COLEC12: variants seen among roughly 807,000 people sequenced by gnomAD.
The protein encoded by COLEC12 is collectin subfamily member 12.
COLEC12 carries 33 observed loss-of-function variants against 71.1 expected under a neutral mutation model. The observed-to-expected ratio is 0.46, with a 90% CI of 0.35 to 0.62. COLEC12 has a LOEUF of 0.62. COLEC12 is among the 20% of genes least tolerant of loss of function. COLEC12 has a pLI of 0.00. For synonymous variants in COLEC12, 350 were observed against 353.0 expected, an observed-to-expected ratio of 0.99 and a Z score of 0.10; for missense variants, 765 against 916.1, an observed-to-expected ratio of 0.84 and a Z score of 2.13.
rs143941697 is a variant in COLEC12, at chr18:346,700, C to T, written c.922G>A (p.Glu308Lys). 2.6e-3 allele frequency: 4,231 copies of T among 1,614,190 alleles called. 5 individuals carry two copies. Among genetic ancestry groups the T allele is most frequent in the Non-Finnish European group, 3.4e-3 (4,031 of 1,180,030 alleles). Residue 308 changes from glutamate to lysine, a missense_variant, in exon 5 of 10, where the codon GAG becomes AAG. Transcript: ENST00000400256. The surrounding 1 kb of genome is among the most constrained non-coding windows in gnomAD (Gnocchi z 4.0). ...ENITTISQAN[E>K]QNLKDLQDLH... ...TCCTGCAGGTCTTTCAGGTTCTGCT[C>T]GTTGGCTTGAGAGATAGTGGTGATG...
At chr18:437,875 C>T (rs779780190) in intron 2 of COLEC12, among the ~76,000 whole-genome samples, 26 of 152,282 alleles carry the variant, frequency 1.7e-4, no homozygotes, top group Non-Finnish European at 3.8e-4. Flanking sequence ...ATTTCTCTGA[C>T]AAACTAATAA....
chr18:376,771 G>C (rs1340300218), intron 2 of COLEC12, among the ~76,000 whole-genome samples: 2 of 152,102 alleles, frequency 1.3e-5, no homozygotes, highest in South Asian at 2.1e-4. Context: ...TTCTCTGCAG[G>C]GTTATTCTAA....
intron 1 of COLEC12, among the ~76,000 whole-genome samples, chr18:498,794 C>A (rs1966869841): frequency 6.6e-6 from 1 of 152,172 alleles, no homozygotes; most frequent in Non-Finnish European, 1.5e-5. Flanking sequence ...TAGACCACAG[C>A]GGGTAGGCCA....
At chr18:475,407 C>T (rs1917285458) in intron 2 of COLEC12, among the ~76,000 whole-genome samples, 1 of 152,146 alleles carries the variant, frequency 6.6e-6, no homozygotes, top group Admixed American at 6.5e-5. Context: ...GAGAGGGATG[C>T]CTGGAGCCCT....
At chr18:388,415 G>C (rs1047529752) in intron 2 of COLEC12, among the ~76,000 whole-genome samples, 1 of 152,190 alleles carries the variant, frequency 6.6e-6, no homozygotes, top group African/African-American at 2.4e-5. Flanking sequence ...TTGGCCATTA[G>C]TCTTAATTAA....
chr18:367,047 A>G (rs1487054151), intron 2 of COLEC12, among the ~76,000 whole-genome samples: 1 of 152,240 alleles, frequency 6.6e-6, no homozygotes, highest in Non-Finnish European at 1.5e-5. Flanking sequence ...GTGAGTCCCA[A>G]GACCCTACAG....
intron 2 of COLEC12, among the ~76,000 whole-genome samples, chr18:466,532 T>C (rs1917091855): frequency 6.6e-6 from 1 of 152,140 alleles, no homozygotes. Context: ...ATAGAAAATG[T>C]TTTTAGCCCA....
intron 1 of COLEC12, among the ~76,000 whole-genome samples, chr18:496,366 G>A (rs547637246): frequency 6.6e-6 from 1 of 152,222 alleles, no homozygotes; most frequent in South Asian, 2.1e-4. Flanking sequence ...CTCAGATTAA[G>A]AATGTCAAGC....
chr18:449,132 G>A (rs545352874), intron 2 of COLEC12, among the ~76,000 whole-genome samples: 235 of 151,942 alleles, frequency 1.5e-3, no homozygotes, highest in Middle Eastern at 0.014. Flanking sequence ...CAATAAAAGT[G>A]GACTTTAAGG....
At chr18:365,689 C>T (rs942360982) in intron 2 of COLEC12, among the ~76,000 whole-genome samples, 5 of 151,952 alleles carry the variant, frequency 3.3e-5, no homozygotes, top group Admixed American at 3.3e-4. Context: ...TCTTAGCCTC[C>T]CTCTAAAAAA....
chr18:459,623 T>A (rs988494997), intron 2 of COLEC12, among the ~76,000 whole-genome samples: 2 of 152,218 alleles, frequency 1.3e-5, no homozygotes, highest in African/African-American at 4.8e-5. Flanking sequence ...TCTTTGCACA[T>A]CTGGTGCAGC....
intron 5 of COLEC12, among the ~76,000 whole-genome samples, chr18:338,893 C>T (rs182093614): frequency 8.9e-4 from 136 of 152,016 alleles, no homozygotes; most frequent in Non-Finnish European, 1.4e-3. Context: ...TACTTATGTT[C>T]TGTGTTGAAC....
At chr18:423,169 T>C (rs1056251142) in intron 2 of COLEC12, among the ~76,000 whole-genome samples, 1 of 152,036 alleles carries the variant, frequency 6.6e-6, no homozygotes, top group Non-Finnish European at 1.5e-5. Context: ...CTTGGGAAGA[T>C]GAGGTGGGAG....
intron 9 of COLEC12, among the ~76,000 whole-genome samples, chr18:320,574 T>A (rs568870733): frequency 6.6e-6 from 1 of 152,382 alleles, no homozygotes; most frequent in South Asian, 2.1e-4. Flanking sequence ...TTTGTTTTTA[T>A]ATGAACAGCT....
chr18:416,889 G>C (rs1915996728), intron 2 of COLEC12, among the ~76,000 whole-genome samples: 1 of 151,264 alleles, frequency 6.6e-6, no homozygotes, highest in African/African-American at 2.4e-5. Context: ...CGGAGGGTTG[G>C]TAGAAAAGGA....
At position 480,648 on chromosome 18, in the gene COLEC12, G is replaced by T. The variant is rs1160092177; in HGVS notation, c.58+59C>A. 1.4e-6 allele frequency: 2 copies of T among 1,458,992 alleles called. No individual in the cohort carries two copies. The highest frequency in any genetic ancestry group is 2.8e-5 in the African/African-American group (2 of 71,776). The allele number at this position is 1,458,992 out of a possible 1,614,324, so 90.4% of individuals were successfully genotyped here. On this transcript the variant is annotated intron_variant, in intron 2 of 9. Coordinates refer to ENST00000400256, the MANE Select transcript of COLEC12 (RefSeq NM_130386.3). The surrounding 1 kb of genome is among the most constrained non-coding windows in gnomAD (Gnocchi z 4.1). ...AGTGGCCTGCCAATGGTCTCTGAGG[G>T]TTCGTGGCTGCATCCCAGGTTGACC...
chr18:371,278 T>C (rs546956932), intron 2 of COLEC12, among the ~76,000 whole-genome samples: 1 of 152,290 alleles, frequency 6.6e-6, no homozygotes, highest in East Asian at 1.9e-4. Context: ...AAGCACTCAT[T>C]TACTAGGGTA....
At chr18:409,764 T>G (rs1251157822) in intron 2 of COLEC12, among the ~76,000 whole-genome samples, 2 of 152,230 alleles carry the variant, frequency 1.3e-5, no homozygotes, top group Admixed American at 1.3e-4. Context: ...TTTGTTATTA[T>G]GCAGTTATAC....
At position 480,848 on chromosome 18, in the gene COLEC12, C is replaced by A; in HGVS notation, c.8-91G>T. On this transcript the variant is annotated intron_variant, in intron 1 of 9. Coordinates refer to ENST00000400256, the MANE Select transcript of COLEC12 (RefSeq NM_130386.3). The surrounding 1 kb of genome is among the most constrained non-coding windows in gnomAD (Gnocchi z 4.1). Reference sequence around the variant, plus strand: ...GATGCGACCTGCTTCATCGCCCCTGCTTGTCACAGCAGCTTTCCTTCTGCT... The same window carrying A: ...GATGCGACCTGCTTCATCGCCCCTGATTGTCACAGCAGCTTTCCTTCTGCT... The A allele has an allele frequency of 1.8e-6, 2 of 1,081,322 alleles. No individual in the cohort carries two copies. The highest frequency in any genetic ancestry group is 1.7e-5 in the Admixed American group (1 of 58,986). 67.0% of individuals were successfully genotyped at this position (1,081,322 alleles called of 1,614,324 possible).
Sources: allele counts gnomAD v4.1 joint callset (sites outside exome capture counted in the v4.1 genomes callset), GRCh38; gene constraint gnomAD v4.1.1; non-coding constraint Gnocchi (gnomAD v3.1); transcripts MANE v1.5; gene names NCBI Gene and HGNC (gene_info 2026-07-23, HGNC 2026-07-21).